The following ADD3 variants were observed in gnomAD, a reference collection of about 807,000 sequenced individuals.
ADD3 encodes the protein gamma-adducin.
A neutral mutation model predicts 80.2 loss-of-function variants in ADD3; 25 were observed. The observed-to-expected ratio is 0.31, with a 90% CI of 0.23 to 0.44. The LOEUF (loss-of-function observed/expected upper bound fraction) is 0.44, where lower values mean the gene tolerates loss of function less well. Ranked by LOEUF, ADD3 falls within the 20% of genes least tolerant of loss-of-function variation. ADD3 has a pLI of 1.00. For synonymous variants in ADD3, 284 were observed against 289.6 expected (o/e 0.98, Z 0.20); for missense variants, 829 against 847.5 (o/e 0.98, Z 0.27).
rs1441612493 is a variant in ADD3 at position 110,133,733 on chromosome 10, G to A, written c.*115G>A. The A allele has an allele frequency of 1.7e-5, 14 of 846,272 alleles. No individual in the cohort carries two copies. The highest frequency in any genetic ancestry group is 2.3e-5 in the Non-Finnish European group (14 of 600,738). The allele number at this position is 846,272 out of a possible 1,614,324, so 52.4% of individuals were successfully genotyped here. ...ATCAGATTGGGGGATGTAGCAAACT[G>A]GACTTTAAGAACTGGAAAGAGGTTT... On this transcript the variant is annotated 3_prime_UTR_variant, in exon 15 of 15. Transcript: ENST00000356080.
chr10:110,045,934 T>C (rs1234098756), intron 1 of ADD3, among the ~76,000 whole-genome samples: 1 of 152,238 alleles, frequency 6.6e-6, no homozygotes, highest in Non-Finnish European at 1.5e-5. Flanking sequence ...GTTAATCATC[T>C]ATGTGAACAG....
chr10:110,117,637 C>G (rs1467747471), intron 5 of ADD3, among the ~76,000 whole-genome samples: 2 of 150,568 alleles, frequency 1.3e-5, no homozygotes, highest in Admixed American at 6.6e-5. Flanking sequence ...TATCAGTTAA[C>G]TTGTCTATGT....
chr10:110,002,639 C>T (rs1851509086), upstream of ADD3, among the ~76,000 whole-genome samples: 1 of 152,014 alleles, frequency 6.6e-6, no homozygotes, highest in Non-Finnish European at 1.5e-5. Context: ...GTGGGCCTCC[C>T]ACTAGGAGTT....
chr10:110,031,112 T>G (rs1164998499), intron 1 of ADD3, among the ~76,000 whole-genome samples: 2 of 152,172 alleles, frequency 1.3e-5, no homozygotes, highest in African/African-American at 4.8e-5. Flanking sequence ...CTGTCTCTAC[T>G]AAAACTACAA....
chr10:110,067,989 C>G (rs1473291110), intron 1 of ADD3, among the ~76,000 whole-genome samples: 1 of 151,992 alleles, frequency 6.6e-6, no homozygotes, highest in Admixed American at 6.6e-5. Flanking sequence ...AAAACACCCC[C>G]TTTCCTTCCC....
At chr10:110,033,082 AC>A (rs1855244638) in intron 1 of ADD3, among the ~76,000 whole-genome samples, 1 of 152,182 alleles carries the variant, frequency 6.6e-6, no homozygotes, top group Non-Finnish European at 1.5e-5. Flanking sequence ...TTAAAACCTG[AC>A]TTTTATAGGT....
intron 1 of ADD3, among the ~76,000 whole-genome samples, chr10:110,015,153 A>T (rs760171883): frequency 6.6e-6 from 1 of 152,146 alleles, no homozygotes; most frequent in African/African-American, 2.4e-5. Context: ...TAAATTGGAG[A>T]TTGCACTAAA....
chr10:110,133,614 C>A lies in ADD3; in HGVS notation c.2117C>A (p.Ala706Asp). 1 of 1,572,586 alleles carries A rather than the reference C, an allele frequency of 6.4e-7. No homozygotes were observed. Among genetic ancestry groups the A allele is most frequent in the East Asian group, 2.2e-5 (1 of 44,556 alleles). Residue 706 changes from alanine (A) to aspartate (D), a missense_variant, in exon 15 of 15, where the codon GCC becomes GAC. By Grantham distance (126) the Ala-to-Asp change is moderately radical. Coordinates refer to ENST00000356080, the MANE Select transcript of ADD3 (RefSeq NM_016824.5). ...AACAAAAAAAAGGAGAAAGTTGAGG[C>A]CTAAATAAAGTCTTTTTATAATTAT... ...KKNKKKEKVE[A>D]
At chr10:110,113,408 C>T (rs1489758139) in intron 3 of ADD3, among the ~76,000 whole-genome samples, 1 of 152,120 alleles carries the variant, frequency 6.6e-6, no homozygotes, top group Non-Finnish European at 1.5e-5. Context: ...GCTGGTATTA[C>T]AGGTGCGCGC....
chr10:110,130,576 C>T (rs1852831422), intron 13 of ADD3, 90 bp downstream of exon 13: 4 of 1,428,888 alleles, frequency 2.8e-6, no homozygotes, highest in Non-Finnish European at 3.8e-6. Flanking sequence ...GTCAGTGTGG[C>T]CGGGCACAAT....
At chr10:110,056,922 A>T (rs561245528) in intron 1 of ADD3, among the ~76,000 whole-genome samples, 1 of 152,300 alleles carries the variant, frequency 6.6e-6, no homozygotes, top group South Asian at 2.1e-4. Flanking sequence ...TGGCTATACT[A>T]ATGGGAAGAT....
intron 8 of ADD3, among the ~76,000 whole-genome samples, chr10:110,121,070 C>T (rs1380675701): frequency 3.3e-5 from 5 of 151,930 alleles, no homozygotes; most frequent in African/African-American, 1.2e-4. Context: ...TAGGCATTAC[C>T]ATTCAGGACA....
chr10:110,014,274 C>CTAGAAGGTCAGCCTT (rs1188528812), intron 1 of ADD3, among the ~76,000 whole-genome samples: 1 of 152,150 alleles, frequency 6.6e-6, no homozygotes, highest in African/African-American at 2.4e-5. Context: ...CAAAAAAATT[C>CTAGAAGGTCAGCCTT]TAGAAGGTCA....
chr10:110,100,697 C>CT lies in ADD3; in HGVS notation c.45dup (p.Pro16SerfsTer11). On this transcript the variant is annotated frameshift_variant, in exon 2 of 15. Coordinates refer to ENST00000356080, the MANE Select transcript of ADD3 (RefSeq NM_016824.5). LOFTEE classifies it high-confidence loss of function. ...CAAGGCGTGATTACCACTCCTCCTC[C>CT]TCCCAGCATGCCTCACAAAGAGAGA... 1 of 1,613,264 alleles carries CT rather than the reference C, an allele frequency of 6.2e-7. No homozygotes were observed. Among genetic ancestry groups the CT allele is most frequent in the Non-Finnish European group, 8.5e-7 (1 of 1,179,644 alleles).
rs1475019799 is a variant in ADD3, at chr10:110,120,212, T to C, written c.960+648T>C. On this transcript the variant is annotated intron_variant, in intron 8 of 14. Coordinates refer to ENST00000356080, the MANE Select transcript of ADD3 (RefSeq NM_016824.5). ...TAGCATTAGGTATATCTCCCAATGCTATCCCTCCCCCCTCCCCCCACCCCA... is the reference window on the plus strand; with the variant it reads ...TAGCATTAGGTATATCTCCCAATGCCATCCCTCCCCCCTCCCCCCACCCCA... Among the ~76,000 whole-genome samples the C allele has an allele frequency of 2.2e-5, 3 of 137,972 alleles. No individual in the cohort carries two copies. In the East Asian group the frequency reaches 6.6e-4, roughly 30 times the overall value. The allele number at this position is 137,972 out of a possible 152,430, so 90.5% of individuals were successfully genotyped here.
intron 1 of ADD3, among the ~76,000 whole-genome samples, chr10:110,052,178 A>G (rs2133402912): frequency 6.6e-6 from 1 of 152,276 alleles, no homozygotes; most frequent in East Asian, 1.9e-4. Context: ...TGTACCAATA[A>G]TTTTCTTTTA....
intron 1 of ADD3, among the ~76,000 whole-genome samples, chr10:110,014,603 C>T (rs376510022): frequency 5.3e-5 from 8 of 151,478 alleles, no homozygotes; most frequent in African/African-American, 1.7e-4. Flanking sequence ...CTCAGCTCAC[C>T]GCAACATCTA....
At chr10:110,130,636 G>C in intron 13 of ADD3, 150 bp downstream of exon 13, 1 of 784,248 alleles carries the variant, frequency 1.3e-6, no homozygotes, top group Non-Finnish European at 2.0e-6. Flanking sequence ...CAGGTGGATT[G>C]CTTGAGGTCA....
intron 2 of ADD3, among the ~76,000 whole-genome samples, chr10:110,101,870 T>C (rs1848852840): frequency 6.6e-6 from 1 of 152,182 alleles, no homozygotes; most frequent in African/African-American, 2.4e-5. Context: ...CACAGACATA[T>C]GATGCCCAGG....
Sources: gnomAD v4.1 joint callset for allele counts (sites outside exome capture counted in the v4.1 genomes callset) on GRCh38, gnomAD v4.1.1 for gene constraint, MANE v1.5 for transcripts, NCBI Gene and HGNC (gene_info 2026-07-23, HGNC 2026-07-21) for gene names.